UBE4B: variants seen among roughly 807,000 people sequenced by gnomAD.
UBE4B encodes ubiquitination factor E4B.
UBE4B carries 27 observed loss-of-function variants against 148.1 expected under a neutral mutation model. That is an observed-to-expected ratio of 0.18 (90% CI 0.13 to 0.25). The LOEUF is 0.25. Ranked by LOEUF, UBE4B falls within the 10% of genes least tolerant of loss-of-function variation. The pLI, the probability that UBE4B is intolerant of heterozygous loss-of-function variation, is 1.00. For missense variants in UBE4B, 1,170 were observed against 1,662.4 expected (o/e 0.70, Z 5.15); for synonymous variants, 596 against 619.3 (o/e 0.96, Z 0.56).
intron 23 of UBE4B, among the ~76,000 whole-genome samples, chr1:10,162,736 G>C (rs1039664320): frequency 6.6e-6 from 1 of 151,866 alleles, no homozygotes; most frequent in Admixed American, 6.6e-5. Flanking sequence ...GTCACCCAGG[G>C]AGTGAGCATA....
intron 1 of UBE4B, among the ~76,000 whole-genome samples, chr1:10,043,629 C>G (rs1039270086): frequency 2.0e-5 from 3 of 151,586 alleles, no homozygotes; most frequent in South Asian, 2.1e-4. Context: ...GGGGTTTCAC[C>G]GTGTTAGCCA....
intron 7 of UBE4B, among the ~76,000 whole-genome samples, chr1:10,111,410 A>T (rs764539041): frequency 6.6e-6 from 1 of 151,788 alleles, no homozygotes; most frequent in Non-Finnish European, 1.5e-5. Context: ...CACTCTCCCC[A>T]CTAGACAGCT....
In UBE4B at chr1:10,138,432, C is replaced by G. The variant is rs1281192750; in HGVS notation, c.2363+1227C>G. Among the ~76,000 whole-genome samples, 6 of 152,012 alleles carry G rather than the reference C, an allele frequency of 3.9e-5. No homozygotes were observed. In the East Asian group the frequency reaches 5.8e-4, roughly 15 times the overall value. On this transcript the variant is annotated intron_variant, in intron 17 of 27. Coordinates refer to ENST00000343090, the MANE Select transcript of UBE4B (RefSeq NM_001105562.3). The stretch of plus-strand genomic sequence containing the variant: ...TATTTTTTGTAGAGACGGGGTTTCT[C>G]CATGTTGGTCAGGCTGGTCTCAAAT...
In UBE4B at chr1:10,122,071, A is replaced by G; in HGVS notation, c.1549A>G (p.Lys517Glu). The G allele has an allele frequency of 1.9e-6, 3 of 1,610,956 alleles. No individual in the cohort carries two copies. The highest frequency in any genetic ancestry group is 2.5e-6 in the Non-Finnish European group (3 of 1,178,170). ...CACTCACCAGGATGAAGAAGTGTTC[A>G]AGCAGGTACGGTCGTATGAGTTTGC... ...RTTHQDEEVF[K>E]QIFIPILQGL... The change falls in exon 10 of 28, where the codon AAG (lysine) becomes GAG (glutamate). Residue 517 changes from lysine to glutamate, a missense_variant. Transcript: ENST00000343090.
At chr1:10,175,473 A>C (rs1041062693) in intron 25 of UBE4B, among the ~76,000 whole-genome samples, 47 of 149,334 alleles carry the variant, frequency 3.1e-4, no homozygotes, top group African/African-American at 1.1e-3. Flanking sequence ...AACACGGTGA[A>C]ACCCCATCTC....
chr1:10,101,477 A>G (rs1382341071), intron 4 of UBE4B, among the ~76,000 whole-genome samples: 2 of 139,970 alleles, frequency 1.4e-5, no homozygotes, highest in African/African-American at 5.2e-5. Flanking sequence ...GCAAATTAGA[A>G]TTCTTTCTGT....
Position 10,106,540 on chromosome 1 carries a change from AG to A in UBE4B, c.1154del (p.Ser385MetfsTer10), listed in dbSNP as rs566940104. ...TCCACCCCTACCACCCGCCTCACCCAGTGCCACGAGCAGACGCCCCTCCTCC... is the reference window on the plus strand; with the variant it reads ...TCCACCCCTACCACCCGCCTCACCCATGCCACGAGCAGACGCCCCTCCTCC... ...TGPPLPPASP[S>X]ATSRRPSSLR... On this transcript the variant is annotated frameshift_variant, in exon 7 of 28. Transcript: ENST00000343090. LOFTEE classifies it high-confidence loss of function. The surrounding 1 kb of genome is among the most constrained non-coding windows in gnomAD (Gnocchi z 4.2). The A allele has an allele frequency of 9.4e-4, 1,509 of 1,598,480 alleles. 3 individuals carry two copies. Among genetic ancestry groups the A allele is most frequent in the Non-Finnish European group, 1.2e-3 (1,449 of 1,175,198 alleles).
chr1:10,101,424 G>GCTTTTTTTT (rs1557552300), intron 4 of UBE4B, among the ~76,000 whole-genome samples: 2 of 144,410 alleles, frequency 1.4e-5, no homozygotes, highest in Non-Finnish European at 3.1e-5. Flanking sequence ...TCAGGGCCAT[G>GCTTTTTTTT]ATTTTATCAG....
chr1:10,040,844 T>G (rs1162561542), intron 1 of UBE4B, among the ~76,000 whole-genome samples: 1 of 151,966 alleles, frequency 6.6e-6, no homozygotes, highest in Admixed American at 6.6e-5. Context: ...GGTCTCAAAC[T>G]CTTGACCTTA....
chr1:10,166,719 T>A (rs929571228), intron 23 of UBE4B, among the ~76,000 whole-genome samples: 14 of 150,326 alleles, frequency 9.3e-5, no homozygotes, highest in African/African-American at 3.2e-4. Context: ...AGGTCAGGAG[T>A]TCAAGACCAG....
intron 2 of UBE4B, among the ~76,000 whole-genome samples, chr1:10,090,793 T>TGTGTG (rs1644835442): frequency 1.5e-4 from 21 of 141,510 alleles, no homozygotes; most frequent in South Asian, 4.7e-4. Context: ...GCCTATGCAT[T>TGTGTG]TGTGTGTGTG....
At chr1:10,159,009 C>CA (rs368376272) in intron 22 of UBE4B, among the ~76,000 whole-genome samples, 10,257 of 68,036 alleles carry the variant, frequency 0.15, 686 homozygotes, top group East Asian at 0.36. Context: ...GACTCCGTCT[C>CA]AAAAAAAAAA....
At chr1:10,050,255 A>G (rs1644007845) in intron 1 of UBE4B, among the ~76,000 whole-genome samples, 1 of 152,220 alleles carries the variant, frequency 6.6e-6, no homozygotes, top group African/African-American at 2.4e-5. Flanking sequence ...TATGTTTAGT[A>G]GAGACCAGGT....
chr1:10,112,552 A>C (rs1423209307), intron 7 of UBE4B, among the ~76,000 whole-genome samples: 2 of 152,088 alleles, frequency 1.3e-5, no homozygotes, highest in African/African-American at 4.8e-5. Context: ...GGCACCCGCC[A>C]CCATGCCTGG....
intron 5 of UBE4B, among the ~76,000 whole-genome samples, chr1:10,105,201 A>T (rs1193070068): frequency 6.6e-6 from 1 of 152,130 alleles, no homozygotes; most frequent in Non-Finnish European, 1.5e-5. Flanking sequence ...CAATGACTGT[A>T]CCCCAACTTT....
chr1:10,144,471 C>A (rs951167047), intron 17 of UBE4B, among the ~76,000 whole-genome samples: 1 of 152,196 alleles, frequency 6.6e-6, no homozygotes, highest in Non-Finnish European at 1.5e-5. Context: ...CGCAGTGGCT[C>A]ATGCCTGTAA....
chr1:10,122,047 A>G lies in UBE4B; in HGVS notation c.1525A>G (p.Thr509Ala). ...YGFIQELVRT[T>A]HQDEEVFKQI... ...CTTCATTCAGGAACTGGTGAGAACC[A>G]CTCACCAGGATGAAGAAGTGTTCAA... Residue 509 changes from threonine to alanine, a missense_variant, in exon 10 of 28, where the codon ACT becomes GCT. This residue lies in a region of UBE4B where 388 missense variants were observed against 536.0 expected (regional missense o/e 0.72). Transcript: ENST00000343090. The G allele has an allele frequency of 1.2e-6, 2 of 1,612,974 alleles. No individual in the cohort carries two copies. The highest frequency in any genetic ancestry group is 1.7e-6 in the Non-Finnish European group (2 of 1,179,340).
At chr1:10,123,152 C>T (rs372658913) in intron 10 of UBE4B, among the ~76,000 whole-genome samples, 2 of 152,012 alleles carry the variant, frequency 1.3e-5, no homozygotes, top group Non-Finnish European at 2.9e-5. Flanking sequence ...CACTGTCGGC[C>T]GGGCGCAGTG....
chr1:10,107,453 G>A (rs919943596), intron 7 of UBE4B: 30 of 1,219,858 alleles, frequency 2.5e-5, no homozygotes, highest in Admixed American at 1.8e-4. Context: ...AACAAGGGGC[G>A]TGCTTTGAAT....
Sources: allele counts gnomAD v4.1 joint callset (sites outside exome capture counted in the v4.1 genomes callset), GRCh38; gene constraint gnomAD v4.1.1; regional missense constraint gnomAD v4.1.1; non-coding constraint Gnocchi (gnomAD v3.1); transcripts MANE v1.5; gene names NCBI Gene and HGNC (gene_info 2026-07-23, HGNC 2026-07-21).